The following EPHA6 variants were observed in gnomAD, a reference collection of about 807,000 sequenced individuals.
EPHA6 encodes the protein EPH receptor A6.
In EPHA6, 50 loss-of-function variants were observed where a neutral mutation model predicts 112.0. The ratio of observed to expected loss-of-function variants is 0.45; its 90% CI spans 0.36 to 0.56. The LOEUF (loss-of-function observed/expected upper bound fraction) is 0.56, where lower values mean the gene tolerates loss of function less well. Among genes scored for constraint, EPHA6 ranks in the 20% least tolerant of loss-of-function variants. The pLI is 0.00. For missense variants in EPHA6, 1,280 were observed against 1,417.4 expected, an observed-to-expected ratio of 0.90 and a Z score of 1.56; for synonymous variants, 529 against 490.7, an observed-to-expected ratio of 1.08 and a Z score of -1.03.
In EPHA6 at chr3:97,170,753, A is replaced by AG. The variant is rs1227703501; in HGVS notation, c.1115-55510dup. Among the ~76,000 whole-genome samples, 8 of 126,646 alleles carry AG rather than the reference A, an allele frequency of 6.3e-5. No individual in the cohort carries two copies. In the East Asian group the frequency reaches 1.2e-3, roughly 19 times the overall value. The allele number at this position is 126,646 out of a possible 152,430, so 83.1% of individuals were successfully genotyped here. A position where few individuals can be genotyped will look rare whatever the true frequency, so the allele number is the denominator to read the frequency against. The stretch of plus-strand genomic sequence containing the variant: ...CGATGTCTCAAAAAAGAAAAAGAAA[A>AG]GAAAAAAAAAGAAATATAGGACCAG... On this transcript the variant is annotated intron_variant, in intron 3 of 17. Transcript: ENST00000389672.
At chr3:97,329,062 C>T (rs1022692521) in intron 5 of EPHA6, among the ~76,000 whole-genome samples, 3 of 151,938 alleles carry the variant, frequency 2.0e-5, no homozygotes, top group Non-Finnish European at 2.9e-5. Context: ...TGACAACATG[C>T]GGTGTTTGGT....
intron 14 of EPHA6, among the ~76,000 whole-genome samples, chr3:97,705,823 T>C (rs551371208): frequency 2.6e-5 from 4 of 152,214 alleles, no homozygotes; most frequent in Admixed American, 2.6e-4. Flanking sequence ...CTTTTGCCAC[T>C]GGCTTGTGAT....
intron 10 of EPHA6, among the ~76,000 whole-genome samples, chr3:97,493,736 A>T (rs1404078537): frequency 6.6e-6 from 1 of 152,098 alleles, no homozygotes; most frequent in East Asian, 1.9e-4. Context: ...TGAAAGAATA[A>T]AAATTGTAAA....
chr3:96,962,869 C>G (rs2041994791), intron 2 of EPHA6, among the ~76,000 whole-genome samples: 1 of 151,908 alleles, frequency 6.6e-6, no homozygotes, highest in Admixed American at 6.6e-5. Context: ...AAGGAGGGAG[C>G]ATTTCAGGCA....
chr3:97,567,652 G>A lies in EPHA6; in HGVS notation c.2387-24960G>A, dbSNP rs141143490. ...AGACACATATGGAGGAGAGCACCAG[G>A]AGAAACACAGGGTAGAGATCGAGGC... On this transcript the variant is annotated intron_variant, in intron 11 of 17. Transcript: ENST00000389672. Among the ~76,000 whole-genome samples, 24 of 152,274 alleles carry A rather than the reference G, an allele frequency of 1.6e-4. No individual in the cohort carries two copies. In the East Asian group the frequency reaches 3.7e-3, roughly 23 times the overall value.
intron 11 of EPHA6, among the ~76,000 whole-genome samples, chr3:97,575,838 T>TA (rs990773245): frequency 1.4e-4 from 21 of 151,690 alleles, no homozygotes; most frequent in Non-Finnish European, 2.7e-4. Flanking sequence ...TAATCCAGAG[T>TA]AAAAAATATA....
In EPHA6 at chr3:97,759,577, A is replaced by C. The variant is rs2036108007; in HGVS notation, c.*10876A>C. 8.7e-6 allele frequency: 2 copies of C among 231,156 alleles called. No individual in the cohort carries two copies. The highest frequency in any genetic ancestry group is 1.2e-4 in the East Asian group (2 of 16,282). 14.3% of individuals were successfully genotyped at this position (231,156 alleles called of 1,614,324 possible). On this transcript the variant is annotated 3_prime_UTR_variant, in exon 18 of 18. Transcript: ENST00000389672. ...TGAGAGATAGAGGGGTTGCGATTTA[A>C]AGCATAAGTAGGGAGGTTAATTTTT... is the stretch of plus-strand genomic sequence containing the variant.
intron 7 of EPHA6, among the ~76,000 whole-genome samples, chr3:97,467,352 T>C (rs2091089061): frequency 6.6e-6 from 1 of 151,814 alleles, no homozygotes; most frequent in Admixed American, 6.6e-5. Context: ...GTTTATACAG[T>C]TCATACAACT....
intron 12 of EPHA6, 102 bp from the exon 13 acceptor site, chr3:97,610,691 T>C (rs2093712082): frequency 5.6e-6 from 5 of 887,788 alleles, no homozygotes; most frequent in Non-Finnish European, 9.1e-6. Context: ...TTCCTATTAA[T>C]AAAATACAAA....
intron 5 of EPHA6, among the ~76,000 whole-genome samples, chr3:97,341,092 G>A (rs536333010): frequency 8.5e-5 from 13 of 152,318 alleles, no homozygotes; most frequent in Non-Finnish European, 1.9e-4. Context: ...CAGAGGCCGA[G>A]TAGGTTCAGC....
chr3:96,939,491 C>T (rs2040808842), intron 2 of EPHA6, among the ~76,000 whole-genome samples: 1 of 152,072 alleles, frequency 6.6e-6, no homozygotes, highest in African/African-American at 2.4e-5. Context: ...TGATTCTTCT[C>T]TCTTTTCTTC....
intron 2 of EPHA6, among the ~76,000 whole-genome samples, chr3:96,902,977 A>G (rs1366067909): frequency 6.6e-6 from 1 of 152,200 alleles, no homozygotes. Flanking sequence ...GAGCAAGAAA[A>G]TAATCACATA....
intron 3 of EPHA6, among the ~76,000 whole-genome samples, chr3:97,061,183 A>G (rs2046010749): frequency 3.9e-5 from 6 of 152,148 alleles, no homozygotes; most frequent in Admixed American, 3.9e-4. Context: ...TGGTATATAG[A>G]TTTTATGAGA....
At chr3:97,414,854 C>G (rs1394434605) in intron 6 of EPHA6, among the ~76,000 whole-genome samples, 1 of 151,954 alleles carries the variant, frequency 6.6e-6, no homozygotes, top group African/African-American at 2.4e-5. Flanking sequence ...AGATTCTATG[C>G]CTATTGTCCC....
chr3:97,302,605 T>A (rs966464442), intron 5 of EPHA6, among the ~76,000 whole-genome samples: 1 of 151,800 alleles, frequency 6.6e-6, no homozygotes, highest in Admixed American at 6.6e-5. Context: ...ACATTAATGA[T>A]AAGTGCAAAT....
At chr3:97,523,917 C>T (rs1290905902) in intron 10 of EPHA6, among the ~76,000 whole-genome samples, 1 of 152,026 alleles carries the variant, frequency 6.6e-6, no homozygotes, top group Non-Finnish European at 1.5e-5. Flanking sequence ...AGCATAATCA[C>T]TCCCATGCTC....
At chr3:96,935,813 C>T (rs568670237) in intron 2 of EPHA6, among the ~76,000 whole-genome samples, 1 of 150,430 alleles carries the variant, frequency 6.6e-6, no homozygotes, top group Non-Finnish European at 1.5e-5. Context: ...TTACACATGC[C>T]TATTTTCAAA....
intron 5 of EPHA6, among the ~76,000 whole-genome samples, chr3:97,267,302 G>A (rs1402803971): frequency 6.6e-6 from 1 of 151,906 alleles, no homozygotes; most frequent in East Asian, 1.9e-4. Context: ...GAACACAGAT[G>A]CATCGGTCCT....
At chr3:97,292,028 G>A (rs916649649) in intron 5 of EPHA6, among the ~76,000 whole-genome samples, 4 of 152,240 alleles carry the variant, frequency 2.6e-5, no homozygotes, top group South Asian at 2.1e-4. Context: ...GGGTCCAGCC[G>A]CTGCGCACAG....
Sources: gnomAD v4.1 joint callset for allele counts (sites outside exome capture counted in the v4.1 genomes callset) on GRCh38, gnomAD v4.1.1 for gene constraint, MANE v1.5 for transcripts, NCBI Gene and HGNC (gene_info 2026-07-23, HGNC 2026-07-21) for gene names.